The following FTCD variants were observed in gnomAD, a reference collection of about 807,000 sequenced individuals.
The protein encoded by FTCD is formimidoyltransferase cyclodeaminase.
A neutral mutation model predicts 62.9 loss-of-function variants in FTCD; 76 were observed. The ratio of observed to expected loss-of-function variants is 1.21; its 90% CI spans 1.00 to 1.46. The LOEUF (loss-of-function observed/expected upper bound fraction) is 1.46, where lower values mean the gene tolerates loss of function less well. Among genes scored for constraint, FTCD ranks in the 40% most tolerant of loss-of-function variants. The probability of loss-of-function intolerance (pLI) is 0.00; values close to 1 mark genes in which losing one functional copy is unlikely to be tolerated. For synonymous variants in FTCD, 397 were observed against 336.9 expected, an observed-to-expected ratio of 1.18 and a Z score of -1.95; for missense variants, 845 against 751.3, an observed-to-expected ratio of 1.12 and a Z score of -1.46.
rs1166798554 is a variant in FTCD at position 46,137,305 on chromosome 21, C to A, written c.1473G>T (p.Val491=). ...QVAAKALEMG[V]FGAYFNVLIN... The stretch of plus-strand genomic sequence containing the variant: ...TGAGCACGTTGAAATATGCGCCAAA[C>A]ACGCCCATCTCCAGGGCTTTGGCCG... The change falls in exon 13 of 14, where the codon GTG becomes GTT. Residue 491 remains valine (V), a synonymous_variant. Transcript: ENST00000397746. 6.2e-7 allele frequency: 1 copy of A among 1,613,818 alleles called. No homozygotes were observed. Among genetic ancestry groups the A allele is most frequent in the Admixed American group, 1.7e-5 (1 of 60,026 alleles).
intron 10 of FTCD, among the ~76,000 whole-genome samples, chr21:46,141,365 T>G (rs887493394): frequency 6.6e-5 from 10 of 151,970 alleles, no homozygotes; most frequent in African/African-American, 2.2e-4. Context: ...TAGGCTGGTT[T>G]CAAACACCTG....
chr21:46,146,401 C>G lies in FTCD; in HGVS notation c.907-74G>C, dbSNP rs2079148838. ...CAGGAAAGCCTCGGAACCCGCGGGT[C>G]CCACCCTTGCGGCAGCCGCCCCCTG... On this transcript the variant is annotated intron_variant, in intron 7 of 13. Coordinates refer to ENST00000397746, the MANE Select transcript of FTCD (RefSeq NM_206965.2). The G allele has an allele frequency of 2.9e-6, 3 of 1,039,006 alleles. No homozygotes were observed. The South Asian group carries it at 4.1e-5, about 14-fold the overall frequency. The allele number at this position is 1,039,006 out of a possible 1,614,324, so 64.4% of individuals were successfully genotyped here.
chr21:46,141,776 C>A (rs1568965503), intron 10 of FTCD, among the ~76,000 whole-genome samples: 1 of 151,842 alleles, frequency 6.6e-6, no homozygotes, highest in African/African-American at 2.4e-5. Context: ...TAAAAGGAGT[C>A]AAAAAATATT....
intron 1 of FTCD, among the ~76,000 whole-genome samples, 171 bp from the exon 2 acceptor site, chr21:46,154,503 C>T (rs568936230): frequency 1.3e-5 from 2 of 152,020 alleles, no homozygotes; most frequent in Non-Finnish European, 2.9e-5. Context: ...ACACAGCGGC[C>T]GCCCGGGAAC....
chr21:46,151,731 G>T lies in FTCD; in HGVS notation c.463C>A (p.Gln155Lys), dbSNP rs1429403636. 4.3e-6 allele frequency: 7 copies of T among 1,612,726 alleles called. No homozygotes were observed. Among genetic ancestry groups the T allele is most frequent in the Non-Finnish European group, 5.9e-6 (7 of 1,179,978 alleles). ...EYEALPKKLQ[Q>K]ADWAPDFGPS... ...CCAAAGTCGGGCGCCCAGTCGGCCT[G>T]CTGGAGCTGTGAGCAAGTTCGCTCT... is the stretch of plus-strand genomic sequence containing the variant. Residue 155 changes from glutamine (Q) to lysine (K), a missense_variant, in exon 5 of 14, where the codon CAG becomes AAG. Gln to Lys is a moderately conservative substitution (Grantham distance 53). Transcript: ENST00000397746.
Position 46,136,980 on chromosome 21 carries a change from C to G in FTCD, c.*7G>C, listed in dbSNP as rs201212662. 6.2e-7 allele frequency: 1 copy of G among 1,613,096 alleles called. No individual in the cohort carries two copies. Among genetic ancestry groups the G allele is most frequent in the Admixed American group, 1.7e-5 (1 of 60,030 alleles). On this transcript the variant is annotated 3_prime_UTR_variant, in exon 14 of 14. Transcript: ENST00000397746. ...GGCCACAGAGCCCGGAGAGGCCTCCCGCACCGTCACTCCTGCCGGGTCTCC... is the reference window on the plus strand; with the variant it reads ...GGCCACAGAGCCCGGAGAGGCCTCCGGCACCGTCACTCCTGCCGGGTCTCC...
At chr21:46,153,314 C>T (rs546309398) in intron 2 of FTCD, among the ~76,000 whole-genome samples, 2 of 152,332 alleles carry the variant, frequency 1.3e-5, no homozygotes, top group Non-Finnish European at 2.9e-5. Flanking sequence ...AGCACCTGAG[C>T]GGGTGGTCTG....
Position 46,144,321 on chromosome 21 carries a change from G to A in FTCD, c.1260+1096C>T, listed in dbSNP as rs559230773. ...TCTATAATCTCTCATCTCTACACACGGGGAGAAAAACCCACAGACCCTGTA... is the reference window on the plus strand; with the variant it reads ...TCTATAATCTCTCATCTCTACACACAGGGAGAAAAACCCACAGACCCTGTA... On this transcript the variant is annotated intron_variant, in intron 10 of 13. Coordinates refer to ENST00000397746, the MANE Select transcript of FTCD (RefSeq NM_206965.2). 3.4e-3 allele frequency among the ~76,000 whole-genome samples: 491 copies of A among 146,110 alleles called. 2 individuals are homozygous for A. Among genetic ancestry groups the A allele is most frequent in the Non-Finnish European group, 5.2e-3 (343 of 66,062 alleles).
chr21:46,152,798 T>C, intron 3 of FTCD, 109 bp downstream of exon 3: 3 of 930,544 alleles, frequency 3.2e-6, no homozygotes, highest in South Asian at 1.8e-5. Context: ...TGGAACACTC[T>C]GCCCTTGCAA....
Position 46,152,915 on chromosome 21 carries a change from T to C in FTCD, c.359A>G (p.Asp120Gly), listed in dbSNP as rs959737134. 6.4e-7 allele frequency: 1 copy of C among 1,570,368 alleles called. No individual in the cohort carries two copies. Among genetic ancestry groups the C allele is most frequent in the Non-Finnish European group, 8.6e-7 (1 of 1,158,170 alleles). ...CGGGGGGGCACGCTCACCTGGCACG[T>C]CCAGCTCCTCTGCCAGCCTCTGGCC... is the stretch of plus-strand genomic sequence containing the variant. The part of the protein sequence containing the change: ...AFGQRLAEEL[D>G]VPVYLYGEAA... Residue 120 changes from aspartate to glycine, a missense_variant, in exon 3 of 14, where the codon GAC (aspartate) becomes GGC (glycine). By Grantham distance (94) the Asp-to-Gly change is moderately conservative (BLOSUM62 -1). Transcript: ENST00000397746.
At chr21:46,139,463 G>C (rs1251032737) in intron 10 of FTCD, among the ~76,000 whole-genome samples, 1 of 152,164 alleles carries the variant, frequency 6.6e-6, no homozygotes, top group African/African-American at 2.4e-5. Context: ...GTGTGGAAGA[G>C]CACAGCTGGG....
At chr21:46,155,386 C>T in intron 1 of FTCD, 84 bp downstream of exon 1, 4 of 1,178,580 alleles carry the variant, frequency 3.4e-6, no homozygotes, top group Non-Finnish European at 5.0e-6. Flanking sequence ...GACACCAAGC[C>T]CACCACCTCC....
At chr21:46,139,042 G>T in intron 10 of FTCD, 119 bp from the exon 11 acceptor site, 2 of 799,130 alleles carry the variant, frequency 2.5e-6, no homozygotes, top group Non-Finnish European at 4.4e-6. Context: ...AGTTCTCTGG[G>T]AACCAAGCTT....
At chr21:46,138,979 C>T (rs1040906505) in intron 10 of FTCD, 56 bp from the exon 11 acceptor site, 2 of 1,314,938 alleles carry the variant, frequency 1.5e-6, no homozygotes, top group Non-Finnish European at 2.2e-6. Context: ...GCAGCCATGC[C>T]CTCTGAGCTC....
rs2079244950 is a variant in FTCD at position 46,150,520 on chromosome 21, TC to T, written c.641del (p.Gly214AspfsTer3). The T allele has an allele frequency of 6.2e-7, 1 of 1,613,270 alleles. No homozygotes were observed. The highest frequency in any genetic ancestry group is 1.3e-5 in the African/African-American group (1 of 75,064). On this transcript the variant is annotated frameshift_variant, in exon 6 of 14. Coordinates refer to ENST00000397746, the MANE Select transcript of FTCD (RefSeq NM_206965.2). LOFTEE classifies it high-confidence loss of function. ...REQGRGKDQP[G>X]RLKKVQGIGW... ...CAATGCCCTGAACTTTCTTCAGACGTCCTGGCTGCAAAGGAAGAGCGTTCCC... is the reference window on the plus strand; with the variant it reads ...CAATGCCCTGAACTTTCTTCAGACGTCTGGCTGCAAAGGAAGAGCGTTCCC...
chr21:46,136,392 G>A (rs2078867591), downstream of FTCD: 2 of 1,579,726 alleles, frequency 1.3e-6, no homozygotes, highest in Non-Finnish European at 1.7e-6. Flanking sequence ...CTGAGGACAG[G>A]GCCAGTACCG....
intron 10 of FTCD, 64 bp from the exon 11 acceptor site, chr21:46,138,987 C>T (rs1257786544): frequency 1.6e-6 from 2 of 1,248,194 alleles, no homozygotes; most frequent in Non-Finnish European, 2.4e-6. Context: ...GCCCTCTGAG[C>T]TCCCACAAGG....
rs755519124 is a variant in FTCD, at chr21:46,136,932, C to T, written c.*55G>A. The T allele has an allele frequency of 6.2e-7, 1 of 1,611,616 alleles. No homozygotes were observed. ...GTCCCCACCGAGGTCACAGCTCTGC[C>T]CTCTGGGGATGGGCGAGGGAGGGGC... On this transcript the variant is annotated 3_prime_UTR_variant, in exon 14 of 14. Coordinates refer to ENST00000397746, the MANE Select transcript of FTCD (RefSeq NM_206965.2).
intron 12 of FTCD, 53 bp downstream of exon 12, chr21:46,138,455 C>T: frequency 1.3e-6 from 2 of 1,534,320 alleles, no homozygotes; most frequent in Non-Finnish European, 8.8e-7. Flanking sequence ...TCAGCCCCAA[C>T]AGCTGCTTCC....
Sources: allele counts gnomAD v4.1 joint callset (sites outside exome capture counted in the v4.1 genomes callset), GRCh38; gene constraint gnomAD v4.1.1; transcripts MANE v1.5; gene names NCBI Gene and HGNC (gene_info 2026-07-23, HGNC 2026-07-21).